The following SFXN1 variants were observed in gnomAD, a reference collection of about 807,000 sequenced individuals.
SFXN1 encodes sideroflexin-1.
Under a neutral mutation model 39.5 loss-of-function variants are expected in SFXN1, and 32 were observed. That is an observed-to-expected ratio of 0.81 (90% CI 0.61 to 1.09). The LOEUF (loss-of-function observed/expected upper bound fraction) is 1.09. SFXN1 is among the 50% of genes least tolerant of loss of function. The probability of loss-of-function intolerance (pLI) is 0.00; values close to 1 mark genes in which losing one functional copy is unlikely to be tolerated. For synonymous variants in SFXN1, 136 were observed against 146.5 expected (o/e 0.93, Z 0.52); for missense variants, 402 against 407.1 (o/e 0.99, Z 0.11).
intron 2 of SFXN1, among the ~76,000 whole-genome samples, chr5:175,498,786 T>C (rs1759962254): frequency 6.6e-6 from 1 of 152,146 alleles, no homozygotes; most frequent in Admixed American, 6.6e-5. Flanking sequence ...GTATATAGGT[T>C]ACCAAAATTG....
chr5:175,505,940 C>T (rs1461913971), intron 2 of SFXN1, among the ~76,000 whole-genome samples: 2 of 152,174 alleles, frequency 1.3e-5, no homozygotes, highest in Admixed American at 6.5e-5. Flanking sequence ...CCTCAGCTTT[C>T]CGAGCAGCTG....
At chr5:175,520,536 G>A (rs1760848201) in intron 8 of SFXN1, among the ~76,000 whole-genome samples, 1 of 152,120 alleles carries the variant, frequency 6.6e-6, no homozygotes, top group Admixed American at 6.5e-5. Flanking sequence ...TGTGCAAAGA[G>A]CCTTTCCGTC....
At chr5:175,513,026 C>T (rs1037921092) in intron 6 of SFXN1, among the ~76,000 whole-genome samples, 6 of 152,042 alleles carry the variant, frequency 3.9e-5, no homozygotes, top group African/African-American at 9.7e-5. Context: ...GTCTGCTGGG[C>T]GCAGTGGCTC....
chr5:175,525,452 A>G (rs1488302838), intron 10 of SFXN1, among the ~76,000 whole-genome samples: 1 of 152,234 alleles, frequency 6.6e-6, no homozygotes, highest in East Asian at 1.9e-4. Context: ...AAATCACTCA[A>G]AGGCCCACTA....
chr5:175,490,646 C>A (rs1242784339), intron 1 of SFXN1, among the ~76,000 whole-genome samples: 1 of 152,110 alleles, frequency 6.6e-6, no homozygotes, highest in Non-Finnish European at 1.5e-5. Flanking sequence ...GGTTTGAAGC[C>A]TTTATAGTGC....
At chr5:175,497,745 A>G (rs928619829) in intron 2 of SFXN1, among the ~76,000 whole-genome samples, 1 of 152,070 alleles carries the variant, frequency 6.6e-6, no homozygotes, top group Non-Finnish European at 1.5e-5. Context: ...CCTGGCCAAC[A>G]TGGTGAAATC....
At chr5:175,497,925 C>T (rs1420537163) in intron 2 of SFXN1, among the ~76,000 whole-genome samples, 4 of 140,268 alleles carry the variant, frequency 2.9e-5, no homozygotes, top group Admixed American at 7.2e-5. Flanking sequence ...AGCAAAACTC[C>T]GTCTCAAAAA....
intron 1 of SFXN1, among the ~76,000 whole-genome samples, chr5:175,482,914 A>G (rs1759309207): frequency 6.6e-6 from 1 of 152,242 alleles, no homozygotes; most frequent in East Asian, 1.9e-4. Context: ...AGCAAAAACC[A>G]GCCAGAAAAA....
intron 9 of SFXN1, 27 bp downstream of exon 9, chr5:175,521,995 T>A (rs1760896800): frequency 6.4e-7 from 1 of 1,563,446 alleles, no homozygotes; most frequent in Non-Finnish European, 8.8e-7. Context: ...TTTACATAAT[T>A]AATTTCTTTT....
At chr5:175,492,708 G>A (rs1290340662) in intron 2 of SFXN1, among the ~76,000 whole-genome samples, 1 of 152,188 alleles carries the variant, frequency 6.6e-6, no homozygotes, top group Non-Finnish European at 1.5e-5. Flanking sequence ...CTGTAGGTAG[G>A]AGCTCAGATG....
chr5:175,516,595 G>A lies in SFXN1; in HGVS notation c.725-19G>A, dbSNP rs867390247. The A allele has an allele frequency of 1.9e-6, 3 of 1,600,562 alleles. No individual in the cohort carries two copies. The highest frequency in any genetic ancestry group is 3.3e-4 in the Middle Eastern group (2 of 6,004). ...TTGGCATTAAATAAAGATTTAAGTG[G>A]ATCTATCTTTATTTCCAGCCATCCC... On this transcript the variant is annotated intron_variant, in intron 7 of 10. Coordinates refer to ENST00000321442, the MANE Select transcript of SFXN1 (RefSeq NM_022754.7).
chr5:175,495,672 T>C (rs1484375511), intron 2 of SFXN1, among the ~76,000 whole-genome samples: 1 of 149,514 alleles, frequency 6.7e-6, no homozygotes, highest in African/African-American at 2.5e-5. Flanking sequence ...GAGGTTGCAG[T>C]GACTTGAGAT....
chr5:175,493,402 A>G (rs370221974), intron 2 of SFXN1, among the ~76,000 whole-genome samples: 12 of 152,256 alleles, frequency 7.9e-5, no homozygotes, highest in East Asian at 5.8e-4. Context: ...AAACATGCCC[A>G]GAAGTGACAC....
In SFXN1 at chr5:175,492,053, A is replaced by G. The variant is rs148247197; in HGVS notation, c.-9-42A>G. 5.9e-4 allele frequency: 889 copies of G among 1,513,286 alleles called. 7 individuals are homozygous for G. The East Asian group carries it at 0.016, about 28-fold the overall frequency. The allele number at this position is 1,513,286 out of a possible 1,614,324, so 93.7% of individuals were successfully genotyped here. A position where few individuals can be genotyped will look rare whatever the true frequency, so the allele number is the denominator to read the frequency against. On this transcript the variant is annotated intron_variant, in intron 1 of 10. Coordinates refer to ENST00000321442, the MANE Select transcript of SFXN1 (RefSeq NM_022754.7). ...GTAAAGTTTCTAAATACGTAGTGAC[A>G]TTGTAAGCCTTACACGAACTTGCCT...
chr5:175,506,754 C>T (rs2652185), intron 2 of SFXN1, among the ~76,000 whole-genome samples: 37,684 of 151,936 alleles, frequency 0.25, 6,446 homozygotes, highest in African/African-American at 0.48. Flanking sequence ...GCAACCTCTG[C>T]CCCCCAGGTT....
At chr5:175,510,509 C>G (rs112516536) in intron 4 of SFXN1, among the ~76,000 whole-genome samples, 12 of 152,270 alleles carry the variant, frequency 7.9e-5, no homozygotes, top group African/African-American at 2.9e-4. Context: ...GAACACATGG[C>G]AGGCAGCACC....
chr5:175,484,735 T>C (rs1759386248), intron 1 of SFXN1, among the ~76,000 whole-genome samples: 1 of 152,180 alleles, frequency 6.6e-6, no homozygotes, highest in Non-Finnish European at 1.5e-5. Context: ...CTAGACCCCA[T>C]TGATTTTTAG....
At chr5:175,522,975 A>T (rs1445916326) in intron 10 of SFXN1, 1 of 152,482 alleles carries the variant, frequency 6.6e-6, no homozygotes. Context: ...CCTGCTCTTG[A>T]CCTGACTCCA....
Position 175,509,014 on chromosome 5 carries a change from T to C in SFXN1, c.165-18T>C. On this transcript the variant is annotated intron_variant, in intron 2 of 10. Coordinates refer to ENST00000321442, the MANE Select transcript of SFXN1 (RefSeq NM_022754.7). The stretch of plus-strand genomic sequence containing the variant: ...TATTTGAAATGAGCAATTGCCATAT[T>C]ATTTGTTGTTTTCTTAGGCAAGGAA... 4 of 1,592,250 alleles carry C rather than the reference T, an allele frequency of 2.5e-6. No homozygotes were observed. The highest frequency in any genetic ancestry group is 3.4e-6 in the Non-Finnish European group (4 of 1,168,906).
Sources: gnomAD v4.1 joint callset for allele counts (sites outside exome capture counted in the v4.1 genomes callset) on GRCh38, gnomAD v4.1.1 for gene constraint, MANE v1.5 for transcripts, NCBI Gene and HGNC (gene_info 2026-07-23, HGNC 2026-07-21) for gene names.